Variants in SLMAP observed in about 807,000 individuals in gnomAD.
SLMAP encodes sarcolemmal membrane-associated protein.
A neutral mutation model predicts 128.8 loss-of-function variants in SLMAP; 44 were observed. The observed-to-expected ratio is 0.34, with a 90% CI of 0.27 to 0.44. The LOEUF (loss-of-function observed/expected upper bound fraction) is 0.44. SLMAP is among the 20% of genes least tolerant of loss of function. SLMAP has a pLI of 1.00. For missense variants in SLMAP, 787 were observed against 985.3 expected, an observed-to-expected ratio of 0.80 and a Z score of 2.69; for synonymous variants, 327 against 348.8, an observed-to-expected ratio of 0.94 and a Z score of 0.70.
At chr3:57,852,708 G>T (rs2094551177) in intron 6 of SLMAP, among the ~76,000 whole-genome samples, 1 of 152,162 alleles carries the variant, frequency 6.6e-6, no homozygotes, top group Non-Finnish European at 1.5e-5. Flanking sequence ...TTTCATATGA[G>T]AAATGTGGGG....
chr3:57,866,179 G>C (rs2095296959), intron 13 of SLMAP, among the ~76,000 whole-genome samples: 1 of 152,178 alleles, frequency 6.6e-6, no homozygotes, highest in Admixed American at 6.5e-5. Flanking sequence ...GGCTGAGGTG[G>C]GAGGGTCAGC....
intron 2 of SLMAP, among the ~76,000 whole-genome samples, chr3:57,820,778 G>A (rs1397702399): frequency 2.6e-5 from 4 of 152,120 alleles, no homozygotes; most frequent in African/African-American, 9.7e-5. Flanking sequence ...GGTCCACTTC[G>A]TCCTCCATAT....
intron 2 of SLMAP, among the ~76,000 whole-genome samples, chr3:57,764,289 G>A (rs2079225449): frequency 6.6e-6 from 1 of 152,068 alleles, no homozygotes; most frequent in South Asian, 2.1e-4. Context: ...ATCACCTGAG[G>A]TCAGGAGTTT....
chr3:57,759,982 C>A (rs1048054521), intron 2 of SLMAP, among the ~76,000 whole-genome samples: 1 of 152,122 alleles, frequency 6.6e-6, no homozygotes, highest in Non-Finnish European at 1.5e-5. Flanking sequence ...GCTCTGTGGC[C>A]AGGCTAGAGT....
intron 2 of SLMAP, among the ~76,000 whole-genome samples, chr3:57,794,099 A>G (rs2086146734): frequency 6.6e-6 from 1 of 152,252 alleles, no homozygotes; most frequent in Admixed American, 6.5e-5. Context: ...TTCTAAAGTC[A>G]TCAGGAAACT....
chr3:57,843,907 A>G (rs946391609), intron 4 of SLMAP, among the ~76,000 whole-genome samples: 6 of 147,562 alleles, frequency 4.1e-5, no homozygotes, highest in African/African-American at 1.5e-4. Context: ...CAACCTCCCA[A>G]GTAGCTGGGA....
chr3:57,851,639 A>T (rs35607252), intron 6 of SLMAP, among the ~76,000 whole-genome samples: 23,967 of 151,292 alleles, frequency 0.16, 2,428 homozygotes, highest in East Asian at 0.43. Context: ...CACCTGGCTA[A>T]TTTTTTGTAT....
chr3:57,882,367 G>A (rs749985078), intron 14 of SLMAP, among the ~76,000 whole-genome samples: 17 of 152,152 alleles, frequency 1.1e-4, no homozygotes, highest in African/African-American at 2.2e-4. Flanking sequence ...GACTGTAAGG[G>A]GATAGGGAAC....
chr3:57,796,732 A>G (rs943098236), intron 2 of SLMAP, among the ~76,000 whole-genome samples: 6 of 152,278 alleles, frequency 3.9e-5, no homozygotes, highest in Admixed American at 1.3e-4. Flanking sequence ...AATTAACCAC[A>G]TATAGTCAGT....
At chr3:57,801,023 A>G (rs1423203423) in intron 2 of SLMAP, 1 of 243,856 alleles carries the variant, frequency 4.1e-6, no homozygotes, top group South Asian at 6.3e-5. Flanking sequence ...AAGCTCTACA[A>G]GAATTTCTGG....
chr3:57,859,917 G>A (rs967552442), intron 8 of SLMAP, among the ~76,000 whole-genome samples: 1 of 152,254 alleles, frequency 6.6e-6, no homozygotes. Flanking sequence ...CAAGATAAGT[G>A]ATTTTCTCCC....
At chr3:57,819,999 C>G (rs941241146) in intron 2 of SLMAP, among the ~76,000 whole-genome samples, 5 of 152,150 alleles carry the variant, frequency 3.3e-5, no homozygotes, top group African/African-American at 1.2e-4. Flanking sequence ...CGATCCTTCC[C>G]CTCCACCTCC....
chr3:57,806,640 G>T (rs374029235), intron 2 of SLMAP, among the ~76,000 whole-genome samples: 6 of 151,582 alleles, frequency 4.0e-5, no homozygotes, highest in Non-Finnish European at 7.4e-5. Flanking sequence ...GGGTTTCACC[G>T]TGTTGGCCAG....
chr3:57,862,022 G>A lies in SLMAP; in HGVS notation c.902G>A (p.Arg301Lys), dbSNP rs762076654. ...EMNERTQEEL[R>K]ELANKYNGAV... ...AATGAAAGGACTCAGGAAGAATTAAGAGAATTAGCCAACAAATATAATGGA... is the reference window on the plus strand; with the variant it reads ...AATGAAAGGACTCAGGAAGAATTAAAAGAATTAGCCAACAAATATAATGGA... Residue 301 changes from arginine to lysine, a missense_variant, in exon 10 of 25, where the codon AGA (arginine) becomes AAA (lysine). Coordinates refer to ENST00000671191, the MANE Select transcript of SLMAP (RefSeq NM_001377540.1). 1.2e-6 allele frequency: 2 copies of A among 1,602,268 alleles called. No homozygotes were observed. Among genetic ancestry groups the A allele is most frequent in the South Asian group, 1.1e-5 (1 of 90,794 alleles).
chr3:57,913,720 G>C (rs888574903), intron 21 of SLMAP, among the ~76,000 whole-genome samples: 7 of 152,198 alleles, frequency 4.6e-5, no homozygotes, highest in Non-Finnish European at 5.9e-5. Context: ...ACTTTGGGAG[G>C]CTGAGGTGGG....
chr3:57,792,027 TGTAA>T (rs1159494809), intron 2 of SLMAP, among the ~76,000 whole-genome samples: 1 of 152,182 alleles, frequency 6.6e-6, no homozygotes, highest in Non-Finnish European at 1.5e-5. Context: ...GTCAATTATC[TGTAA>T]GTATCTTACT....
chr3:57,913,477 C>T (rs1487889043), intron 21 of SLMAP, among the ~76,000 whole-genome samples: 1 of 151,972 alleles, frequency 6.6e-6, no homozygotes, highest in Non-Finnish European at 1.5e-5. Flanking sequence ...TCCTACATGT[C>T]CTTTCCTTGT....
intron 13 of SLMAP, among the ~76,000 whole-genome samples, chr3:57,869,797 AATC>A (rs2095439112): frequency 6.6e-6 from 1 of 151,032 alleles, no homozygotes; most frequent in South Asian, 2.1e-4. Flanking sequence ...AATTCATTGA[AATC>A]ATTGTACATT....
In SLMAP at chr3:57,857,740, T is replaced by C. The variant is rs761101848; in HGVS notation, c.527T>C (p.Leu176Ser). Residue 176 changes from leucine (L) to serine (S), a missense_variant, in exon 7 of 25, where the codon TTA (leucine) becomes TCA (serine). Leu to Ser is a moderately radical substitution (Grantham distance 145). Transcript: ENST00000671191. Reference sequence around the variant, plus strand: ...TGTGATTTGTAATACTAGGAGGCCTTACATCGGGAACAAATGTTGGAACAG... The same window carrying C: ...TGTGATTTGTAATACTAGGAGGCCTCACATCGGGAACAAATGTTGGAACAG... ...FQLSQYLQEA[L>S]HREQMLEQKL... The C allele has an allele frequency of 3.7e-6, 6 of 1,611,460 alleles. No individual in the cohort carries two copies. The African/African-American group carries it at 6.7e-5, about 18-fold the overall frequency.
Sources: gnomAD v4.1 joint callset for allele counts (sites outside exome capture counted in the v4.1 genomes callset) on GRCh38, gnomAD v4.1.1 for gene constraint, MANE v1.5 for transcripts, NCBI Gene and HGNC (gene_info 2026-07-23, HGNC 2026-07-21) for gene names.